MDGA2: variants seen among roughly 807,000 people sequenced by gnomAD.
The protein encoded by MDGA2 is MAM domain-containing glycosylphosphatidylinositol anchor protein 2.
A neutral mutation model predicts 117.8 loss-of-function variants in MDGA2; 40 were observed. That is an observed-to-expected ratio of 0.34 (90% CI 0.26 to 0.44). The LOEUF (loss-of-function observed/expected upper bound fraction) is 0.44, where lower values mean the gene tolerates loss of function less well. MDGA2 is among the 20% of genes least tolerant of loss of function. The pLI is 1.00. For missense variants in MDGA2, 1,123 were observed against 1,250.6 expected (o/e 0.90, Z 1.54); for synonymous variants, 452 against 439.0 (o/e 1.03, Z -0.37).
At chr14:47,441,776 A>G (rs1203463359) in intron 1 of MDGA2, among the ~76,000 whole-genome samples, 4 of 152,180 alleles carry the variant, frequency 2.6e-5, no homozygotes, top group Admixed American at 6.6e-5. Context: ...AATACTGTTA[A>G]TAGAAATATA....
intron 2 of MDGA2, among the ~76,000 whole-genome samples, chr14:47,295,171 G>C (rs1336938109): frequency 6.6e-6 from 1 of 152,108 alleles, no homozygotes; most frequent in Non-Finnish European, 1.5e-5. Flanking sequence ...TACCCAGAAA[G>C]CCAGCATATA....
chr14:47,047,514 C>T (rs1889306649), intron 7 of MDGA2, among the ~76,000 whole-genome samples: 1 of 152,092 alleles, frequency 6.6e-6, no homozygotes. Context: ...GCTGGGTATA[C>T]TTGGGAAAGT....
intron 1 of MDGA2, among the ~76,000 whole-genome samples, chr14:47,665,375 A>C (rs956100118): frequency 6.6e-6 from 1 of 152,190 alleles, no homozygotes; most frequent in African/African-American, 2.4e-5. Context: ...CTGAGAGGTG[A>C]CAGTGTGCTG....
intron 2 of MDGA2, among the ~76,000 whole-genome samples, chr14:47,238,182 T>C (rs1886925672): frequency 6.6e-6 from 1 of 152,206 alleles, no homozygotes; most frequent in South Asian, 2.1e-4. Context: ...CTATTAAAAA[T>C]AGCAGTTTCT....
intron 1 of MDGA2, among the ~76,000 whole-genome samples, chr14:47,360,259 G>A (rs1179608121): frequency 6.6e-6 from 1 of 151,942 alleles, no homozygotes; most frequent in Non-Finnish European, 1.5e-5. Context: ...GCTGAGGCAG[G>A]AGAATTGCTT....
At chr14:47,011,899 T>G (rs1887907243) in intron 8 of MDGA2, among the ~76,000 whole-genome samples, 1 of 152,092 alleles carries the variant, frequency 6.6e-6, no homozygotes, top group South Asian at 2.1e-4. Context: ...GTTCTCTCTT[T>G]GCTGTTTTTC....
chr14:47,059,101 A>C, intron 7 of MDGA2: 2 of 1,048,810 alleles, frequency 1.9e-6, no homozygotes, highest in Non-Finnish European at 2.4e-6. Flanking sequence ...GCAAATGTCT[A>C]TATTATAGAG....
At chr14:47,236,554 G>A (rs1284641943) in intron 2 of MDGA2, among the ~76,000 whole-genome samples, 2 of 152,120 alleles carry the variant, frequency 1.3e-5, no homozygotes, top group Non-Finnish European at 2.9e-5. Flanking sequence ...CAAAAAACCT[G>A]ATTTTGCTAG....
intron 2 of MDGA2, among the ~76,000 whole-genome samples, chr14:47,228,856 G>A (rs1005308994): frequency 1.3e-5 from 2 of 152,164 alleles, no homozygotes; most frequent in African/African-American, 4.8e-5. Context: ...CTTGTGAAAT[G>A]CTGTCTAGCA....
intron 1 of MDGA2, among the ~76,000 whole-genome samples, chr14:47,580,159 T>C (rs1896202973): frequency 6.6e-6 from 1 of 152,086 alleles, no homozygotes; most frequent in Admixed American, 6.6e-5. Context: ...TTCCTACTAC[T>C]ATAATAAAAT....
chr14:46,892,462 A>G (rs903539709), intron 10 of MDGA2, among the ~76,000 whole-genome samples: 6 of 151,970 alleles, frequency 3.9e-5, no homozygotes, highest in Non-Finnish European at 5.9e-5. Context: ...ATTGTTGGAT[A>G]TTTAACCAAA....
At chr14:46,889,300 G>T (rs1279039305) in intron 10 of MDGA2, among the ~76,000 whole-genome samples, 1 of 151,960 alleles carries the variant, frequency 6.6e-6, no homozygotes, top group Non-Finnish European at 1.5e-5. Flanking sequence ...TCACATCATA[G>T]AAATATTTTG....
chr14:47,255,311 A>T (rs1265022652), intron 2 of MDGA2, among the ~76,000 whole-genome samples: 1 of 152,190 alleles, frequency 6.6e-6, no homozygotes, highest in African/African-American at 2.4e-5. Context: ...TTGACTAGAC[A>T]AACAACCCTC....
At chr14:47,135,719 T>C (rs1882419597) in intron 4 of MDGA2, among the ~76,000 whole-genome samples, 1 of 152,200 alleles carries the variant, frequency 6.6e-6, no homozygotes, top group Non-Finnish European at 1.5e-5. Context: ...TTTGAGACTC[T>C]ATGCAGTCTA....
intron 1 of MDGA2, among the ~76,000 whole-genome samples, chr14:47,584,973 C>T (rs1594930063): frequency 6.6e-6 from 1 of 151,662 alleles, no homozygotes; most frequent in African/African-American, 2.4e-5. Context: ...TTTCTGAATC[C>T]CACTTCCCCA....
chr14:47,080,243 G>C (rs964751807), intron 6 of MDGA2, among the ~76,000 whole-genome samples: 2 of 152,102 alleles, frequency 1.3e-5, no homozygotes, highest in Non-Finnish European at 2.9e-5. Context: ...TAGAGACTAA[G>C]AGTAGTAAAA....
chr14:47,563,837 T>C (rs1462906004), intron 1 of MDGA2, among the ~76,000 whole-genome samples: 2 of 152,094 alleles, frequency 1.3e-5, no homozygotes, highest in African/African-American at 4.8e-5. Context: ...GTTTGTGTGG[T>C]TGCTTTATGG....
At chr14:47,365,223 C>G (rs1891207039) in intron 1 of MDGA2, among the ~76,000 whole-genome samples, 2 of 152,188 alleles carry the variant, frequency 1.3e-5, no homozygotes, top group Admixed American at 1.3e-4. Flanking sequence ...TCTTCCCCTT[C>G]TGGATTAGAA....
Position 47,614,960 on chromosome 14 carries a change from T to C in MDGA2, c.280+59557A>G, listed in dbSNP as rs188566080. ...AGTAAATGTTCCATAAGTTTAACTT[T>C]ATTATTAGTATTTGGCAGTCACAAA... On this transcript the variant is annotated intron_variant, in intron 1 of 16. Transcript: ENST00000399232. Among the ~76,000 whole-genome samples, 8 of 152,330 alleles carry C rather than the reference T, an allele frequency of 5.3e-5. No individual in the cohort carries two copies. The East Asian group carries it at 1.5e-3, about 29-fold the overall frequency.
Sources: gnomAD v4.1 joint callset for allele counts (sites outside exome capture counted in the v4.1 genomes callset) on GRCh38, gnomAD v4.1.1 for gene constraint, MANE v1.5 for transcripts, NCBI Gene and HGNC (gene_info 2026-07-23, HGNC 2026-07-21) for gene names.